The following PTPRT variants were observed in gnomAD, a reference collection of about 807,000 sequenced individuals.
PTPRT encodes protein tyrosine phosphatase receptor type T, also known as receptor-type tyrosine-protein phosphatase T.
In PTPRT, 56 loss-of-function variants were observed where a neutral mutation model predicts 176.8. The observed-to-expected ratio is 0.32, with a 90% CI of 0.26 to 0.40. The LOEUF is 0.40. PTPRT is among the 10% of genes least tolerant of loss of function. The pLI, the probability that PTPRT is intolerant of heterozygous loss-of-function variation, is 1.00. For missense variants in PTPRT, 1,540 were observed against 1,908.2 expected, an observed-to-expected ratio of 0.81 and a Z score of 3.60; for synonymous variants, 783 against 739.0, an observed-to-expected ratio of 1.06 and a Z score of -0.96.
intron 6 of PTPRT, among the ~76,000 whole-genome samples, chr20:42,714,655 A>G (rs1032422538): frequency 6.6e-6 from 1 of 152,206 alleles, no homozygotes; most frequent in African/African-American, 2.4e-5. Flanking sequence ...CAGTATTTTG[A>G]TCATTGATAG....
intron 1 of PTPRT, among the ~76,000 whole-genome samples, chr20:42,951,794 C>G (rs1410174930): frequency 6.6e-6 from 1 of 152,114 alleles, no homozygotes; most frequent in Non-Finnish European, 1.5e-5. Flanking sequence ...TTGCACAGCC[C>G]TGAGTCTAAA....
chr20:42,829,217 A>T (rs1245409934), intron 2 of PTPRT, among the ~76,000 whole-genome samples: 1 of 151,952 alleles, frequency 6.6e-6, no homozygotes, highest in Non-Finnish European at 1.5e-5. Context: ...CTAGATTTGC[A>T]TGGGGCCTGT....
intron 17 of PTPRT, among the ~76,000 whole-genome samples, chr20:42,147,574 A>G (rs865878874): frequency 1.6e-4 from 25 of 151,878 alleles, no homozygotes; most frequent in African/African-American, 6.1e-4. Context: ...TCTTGTATTC[A>G]CTCCCAGAAT....
chr20:42,767,201 A>C (rs1169240565), intron 5 of PTPRT, among the ~76,000 whole-genome samples: 1 of 152,138 alleles, frequency 6.6e-6, no homozygotes, highest in Non-Finnish European at 1.5e-5. Flanking sequence ...ACTTGACTGT[A>C]ACAGAGTACC....
chr20:42,610,214 T>TAGACTTTTA (rs1347789808), intron 7 of PTPRT, among the ~76,000 whole-genome samples: 2 of 152,188 alleles, frequency 1.3e-5, no homozygotes, highest in African/African-American at 4.8e-5. Context: ...GATAGAAACT[T>TAGACTTTTA]AGACTTTTAG....
intron 1 of PTPRT, among the ~76,000 whole-genome samples, chr20:43,177,233 G>A (rs1039863705): frequency 6.6e-6 from 1 of 152,222 alleles, no homozygotes; most frequent in Non-Finnish European, 1.5e-5. Flanking sequence ...GGGGAGCTGA[G>A]TCTAGTGGAA....
the PTPRT span, among the ~76,000 whole-genome samples, chr20:42,052,705 C>T: frequency 7.9e-5 from 12 of 152,198 alleles, no homozygotes; most frequent in African/African-American, 2.9e-4. Context: ...GCTCACCTTG[C>T]AGATGCCCAC....
At chr20:42,881,543 G>A (rs2079009569) in intron 2 of PTPRT, among the ~76,000 whole-genome samples, 1 of 151,924 alleles carries the variant, frequency 6.6e-6, no homozygotes, top group South Asian at 2.1e-4. Flanking sequence ...TGGTCAACGT[G>A]GCAAAACTCC....
the PTPRT span, among the ~76,000 whole-genome samples, chr20:42,043,312 C>T: frequency 6.6e-6 from 1 of 152,206 alleles, no homozygotes; most frequent in Non-Finnish European, 1.5e-5. Context: ...TCCATTAAGG[C>T]AGGGACTTGA....
rs568545309 is a variant in PTPRT at position 42,077,848 on chromosome 20, T to C, written c.*3031A>G. ...TTTGCAAGTTTGTTTCTCCCTGAAGTCACACCTTAAATTCCTACCATTTAA... is the reference window on the plus strand; with the variant it reads ...TTTGCAAGTTTGTTTCTCCCTGAAGCCACACCTTAAATTCCTACCATTTAA... On this transcript the variant is annotated 3_prime_UTR_variant, in exon 31 of 31. Coordinates refer to ENST00000373187, the MANE Select transcript of PTPRT (RefSeq NM_007050.6). 2 of 194,818 alleles carry C rather than the reference T, an allele frequency of 1.0e-5. No individual in the cohort carries two copies. Among genetic ancestry groups the C allele is most frequent in the South Asian group, 3.9e-4 (2 of 5,140 alleles). 12.1% of individuals were successfully genotyped at this position (194,818 alleles called of 1,614,324 possible). A position where few individuals can be genotyped will look rare whatever the true frequency, so the allele number is the denominator to read the frequency against.
At chr20:42,324,216 T>C (rs2057848278) in intron 11 of PTPRT, among the ~76,000 whole-genome samples, 1 of 152,218 alleles carries the variant, frequency 6.6e-6, no homozygotes, top group Non-Finnish European at 1.5e-5. Context: ...TGCTACAATC[T>C]GCAGCATGAA....
At chr20:42,560,205 C>T (rs1043228791) in intron 7 of PTPRT, among the ~76,000 whole-genome samples, 3 of 152,262 alleles carry the variant, frequency 2.0e-5, no homozygotes, top group African/African-American at 7.2e-5. Context: ...TACAGGTTGC[C>T]TCAATGGGCT....
chr20:42,942,989 A>G (rs1029376533), intron 1 of PTPRT, among the ~76,000 whole-genome samples: 124 of 152,362 alleles, frequency 8.1e-4, no homozygotes, highest in African/African-American at 2.9e-3. Context: ...ACAGATGTCA[A>G]TATTTAGCAC....
chr20:43,137,134 C>T (rs1440793785), intron 1 of PTPRT, among the ~76,000 whole-genome samples: 1 of 152,196 alleles, frequency 6.6e-6, no homozygotes, highest in African/African-American at 2.4e-5. Context: ...AACCCTTAGA[C>T]ATCTAGTCCA....
intron 7 of PTPRT, among the ~76,000 whole-genome samples, chr20:42,621,432 C>T (rs985186852): frequency 1.3e-5 from 2 of 152,216 alleles, no homozygotes; most frequent in Non-Finnish European, 2.9e-5. Flanking sequence ...AATAAGTTAT[C>T]TCCACTTTTC....
intron 15 of PTPRT, among the ~76,000 whole-genome samples, chr20:42,217,624 T>A (rs1284406484): frequency 7.2e-5 from 11 of 152,288 alleles, no homozygotes. Flanking sequence ...GCACTGTTGG[T>A]ATTTTGGGCC....
At chr20:42,335,927 A>G (rs927392333) in intron 11 of PTPRT, among the ~76,000 whole-genome samples, 7 of 152,178 alleles carry the variant, frequency 4.6e-5, no homozygotes, top group Non-Finnish European at 1.0e-4. Context: ...CAAATTTCAT[A>G]TCGGCTGCTA....
At chr20:42,697,992 C>T (rs1023243055) in intron 6 of PTPRT, among the ~76,000 whole-genome samples, 2 of 152,164 alleles carry the variant, frequency 1.3e-5, no homozygotes, top group African/African-American at 2.4e-5. Flanking sequence ...GAAGTATTAA[C>T]TTTTTTTAAA....
At chr20:42,585,798 G>T (rs1475546604) in intron 7 of PTPRT, among the ~76,000 whole-genome samples, 2 of 151,864 alleles carry the variant, frequency 1.3e-5, no homozygotes, top group Non-Finnish European at 2.9e-5. Flanking sequence ...AAATCTATTG[G>T]GTTACTCCAT....
Sources: allele counts gnomAD v4.1 joint callset (sites outside exome capture counted in the v4.1 genomes callset), GRCh38; gene constraint gnomAD v4.1.1; transcripts MANE v1.5; gene names NCBI Gene and HGNC (gene_info 2026-07-23, HGNC 2026-07-21).